The following IMPACT variants were observed in gnomAD, a reference collection of about 807,000 sequenced individuals.
IMPACT encodes the protein protein IMPACT.
In IMPACT, 35 loss-of-function variants were observed where a neutral mutation model predicts 47.5. That is an observed-to-expected ratio of 0.74 (90% CI 0.56 to 0.98). IMPACT has a LOEUF of 0.98. IMPACT is among the 50% of genes least tolerant of loss of function. The probability of loss-of-function intolerance (pLI) is 0.00; values close to 1 mark genes in which losing one functional copy is unlikely to be tolerated. For missense variants in IMPACT, 373 were observed against 394.8 expected (o/e 0.94, Z 0.47); for synonymous variants, 118 against 125.6 (o/e 0.94, Z 0.40).
At chr18:24,432,007 C>T (rs1908770865) in intron 4 of IMPACT, among the ~76,000 whole-genome samples, 1 of 152,104 alleles carries the variant, frequency 6.6e-6, no homozygotes, top group Non-Finnish European at 1.5e-5. Flanking sequence ...CTGCCTTCAG[C>T]TAATTTTTTT....
In IMPACT at chr18:24,440,502, A is replaced by AT; in HGVS notation, c.375dup (p.Val126CysfsTer6). ...GTGTCTCATATTCACATAGGCCCAGATGTAAAGAAGAAAACTGAAGAGGAA... is the reference window on the plus strand; with the variant it reads ...GTGTCTCATATTCACATAGGCCCAGATTGTAAAGAAGAAAACTGAAGAGGAA... On this transcript the variant is annotated frameshift_variant, in exon 6 of 11. Coordinates refer to ENST00000284202, the MANE Select transcript of IMPACT (RefSeq NM_018439.4). LOFTEE classifies it high-confidence loss of function. The AT allele has an allele frequency of 1.9e-6, 3 of 1,612,936 alleles. No individual in the cohort carries two copies. Among genetic ancestry groups the AT allele is most frequent in the Non-Finnish European group, 2.5e-6 (3 of 1,179,522 alleles).
chr18:24,434,808 TG>T (rs1908868979), intron 4 of IMPACT, among the ~76,000 whole-genome samples: 1 of 146,822 alleles, frequency 6.8e-6, no homozygotes, highest in African/African-American at 2.5e-5. Context: ...TGTGTGTGTG[TG>T]TATATATATG....
chr18:24,434,809 G>T (rs1298047165), intron 4 of IMPACT, among the ~76,000 whole-genome samples: 1 of 127,850 alleles, frequency 7.8e-6, no homozygotes, highest in African/African-American at 2.8e-5. Context: ...GTGTGTGTGT[G>T]TATATATATG....
chr18:24,448,962 G>T (rs1051115152), intron 9 of IMPACT, among the ~76,000 whole-genome samples: 1 of 152,104 alleles, frequency 6.6e-6, no homozygotes, highest in Admixed American at 6.6e-5. Context: ...GTATGTGAAG[G>T]TTTATTTTCT....
chr18:24,447,708 C>T (rs1909280356), intron 8 of IMPACT, among the ~76,000 whole-genome samples: 1 of 152,110 alleles, frequency 6.6e-6, no homozygotes, highest in African/African-American at 2.4e-5. Flanking sequence ...ATGCCACTTA[C>T]TTCCTTTATA....
chr18:24,437,615 C>A (rs891546214), intron 4 of IMPACT, among the ~76,000 whole-genome samples: 3 of 152,148 alleles, frequency 2.0e-5, no homozygotes, highest in African/African-American at 7.2e-5. Context: ...GACATCGATA[C>A]TGAAAGATTG....
intron 5 of IMPACT, 25 bp from the exon 6 acceptor site, chr18:24,440,471 G>A (rs1909073653): frequency 3.1e-6 from 5 of 1,604,910 alleles, no homozygotes; most frequent in South Asian, 1.1e-5. Context: ...GCGTCATAAA[G>A]TAATTGTGTC....
chr18:24,442,418 G>T (rs1426594261), intron 6 of IMPACT, among the ~76,000 whole-genome samples: 1 of 152,164 alleles, frequency 6.6e-6, no homozygotes, highest in African/African-American at 2.4e-5. Context: ...CTCCCAAAGG[G>T]TTGGGATTGC....
At chr18:24,434,912 G>GTA (rs58021502) in intron 4 of IMPACT, among the ~76,000 whole-genome samples, 2 of 123,192 alleles carry the variant, frequency 1.6e-5, no homozygotes, top group Non-Finnish European at 3.4e-5. Context: ...ATATGTGTGT[G>GTA]TATATATATA....
Position 24,443,092 on chromosome 18 carries a change from T to A in IMPACT, c.534T>A (p.Pro178=), listed in dbSNP as rs758089798. Residue 178 remains proline, a synonymous_variant, in exon 7 of 11, where the codon CCT becomes CCA. Coordinates refer to ENST00000284202, the MANE Select transcript of IMPACT (RefSeq NM_018439.4). The part of the protein sequence containing the change: ...EELPPIDHGI[P]ITDRRSTFQA... ...TACCTCCGATTGATCATGGCATTCC[T>A]ATTACAGACCGAAGAAGTACTTTTC... is the stretch of plus-strand genomic sequence containing the variant. 3.7e-6 allele frequency: 6 copies of A among 1,607,618 alleles called. No homozygotes were observed. The highest frequency in any genetic ancestry group is 4.3e-6 in the Non-Finnish European group (5 of 1,175,768).
At chr18:24,444,429 A>G (rs1257671511) in intron 7 of IMPACT, among the ~76,000 whole-genome samples, 1 of 152,172 alleles carries the variant, frequency 6.6e-6, no homozygotes, top group African/African-American at 2.4e-5. Context: ...CCTGCCACCA[A>G]TATTTCTTCC....
intron 9 of IMPACT, among the ~76,000 whole-genome samples, chr18:24,449,427 T>A (rs1909323194): frequency 6.6e-6 from 1 of 152,200 alleles, no homozygotes; most frequent in African/African-American, 2.4e-5. Context: ...GCAGCCCCTG[T>A]AGCTTTGTTC....
chr18:24,436,545 G>GTTTTGT (rs776425106), intron 4 of IMPACT, among the ~76,000 whole-genome samples: 70 of 149,618 alleles, frequency 4.7e-4, no homozygotes, highest in Admixed American at 6.7e-4. Context: ...GTTTTTTTTT[G>GTTTTGT]TTTTGTTTTT....
chr18:24,434,547 C>T (rs943226260), intron 4 of IMPACT, among the ~76,000 whole-genome samples: 30 of 151,620 alleles, frequency 2.0e-4, no homozygotes, highest in Admixed American at 2.0e-4. Context: ...CTGAGGCAGG[C>T]GGATCACCTG....
At position 24,450,939 on chromosome 18, in the gene IMPACT, G is replaced by C. The variant is rs1254299443; in HGVS notation, c.*92G>C. ...TATATTGTGCAGAGAGAGTATCCTT[G>C]ACTGCTTAAGTCAGCCAGTTCAGCA... On this transcript the variant is annotated 3_prime_UTR_variant, in exon 11 of 11. Transcript: ENST00000284202. 1.4e-6 allele frequency: 1 copy of C among 723,708 alleles called. No individual in the cohort carries two copies. The highest frequency in any genetic ancestry group is 2.8e-5 in the Admixed American group (1 of 35,320). 44.8% of individuals were successfully genotyped at this position (723,708 alleles called of 1,614,324 possible).
Position 24,450,971 on chromosome 18 carries a change from C to A in IMPACT, c.*124C>A. On this transcript the variant is annotated 3_prime_UTR_variant, in exon 11 of 11. Coordinates refer to ENST00000284202, the MANE Select transcript of IMPACT (RefSeq NM_018439.4). ...TAAGTCAGCCAGTTCAGCATGGATA[C>A]CAACATTAGCTTTTCTTCTTGGTTA... The A allele has an allele frequency of 1.9e-6, 1 of 533,666 alleles. No individual in the cohort carries two copies. The highest frequency in any genetic ancestry group is 3.3e-6 in the Non-Finnish European group (1 of 299,182). The allele number at this position is 533,666 out of a possible 1,614,324, so 33.1% of individuals were successfully genotyped here.
chr18:24,437,449 G>A (rs1368048851), intron 4 of IMPACT, among the ~76,000 whole-genome samples: 1 of 152,148 alleles, frequency 6.6e-6, no homozygotes, highest in Non-Finnish European at 1.5e-5. Context: ...ATATAAAATT[G>A]TTGAATTGTC....
intron 7 of IMPACT, among the ~76,000 whole-genome samples, chr18:24,444,125 T>C (rs1382672992): frequency 6.6e-6 from 1 of 152,208 alleles, no homozygotes; most frequent in Admixed American, 6.5e-5. Flanking sequence ...TGCAGACTTC[T>C]GGTCTTTTCT....
chr18:24,450,584 G>A (rs1445354258), intron 10 of IMPACT, among the ~76,000 whole-genome samples, 195 bp from the exon 11 acceptor site: 3 of 151,946 alleles, frequency 2.0e-5, no homozygotes, highest in African/African-American at 4.8e-5. Flanking sequence ...TAGCCTATAA[G>A]TGAAAGTACC....
Sources: allele counts gnomAD v4.1 joint callset (sites outside exome capture counted in the v4.1 genomes callset), GRCh38; gene constraint gnomAD v4.1.1; transcripts MANE v1.5; gene names NCBI Gene and HGNC (gene_info 2026-07-23, HGNC 2026-07-21).